The following DOP1A variants were observed in gnomAD, a reference collection of about 807,000 sequenced individuals.
DOP1A encodes the protein protein DOP1A.
DOP1A carries 90 observed loss-of-function variants against 267.6 expected under a neutral mutation model. The observed-to-expected ratio is 0.34, with a 90% CI of 0.28 to 0.40. The LOEUF (loss-of-function observed/expected upper bound fraction) is 0.40, where lower values mean the gene tolerates loss of function less well. Among genes scored for constraint, DOP1A ranks in the 10% least tolerant of loss-of-function variants. The pLI is 1.00. For synonymous variants in DOP1A, 932 were observed against 999.1 expected (o/e 0.93, Z 1.27); for missense variants, 2,437 against 2,900.4 (o/e 0.84, Z 3.67).
At position 83,152,148 on chromosome 6, in the gene DOP1A, C is replaced by A. The variant is rs186422780; in HGVS notation, c.6049+121C>A. ...CCCTTTTCTCATGTCTAACAAGTAA[C>A]TTTTTTTCAGTGGGAAAAATATATA... On this transcript the variant is annotated intron_variant, in intron 29 of 38. Coordinates refer to ENST00000349129, the MANE Select transcript of DOP1A (RefSeq NM_015018.4). The A allele has an allele frequency of 2.0e-5, 24 of 1,172,040 alleles. No individual in the cohort carries two copies. The Admixed American group carries it at 5.3e-4, about 26-fold the overall frequency. The allele number at this position is 1,172,040 out of a possible 1,614,324, so 72.6% of individuals were successfully genotyped here.
intron 23 of DOP1A, 52 bp from the exon 24 acceptor site, chr6:83,141,869 T>TG (rs768463410): frequency 4.0e-4 from 626 of 1,562,204 alleles, no homozygotes; most frequent in Non-Finnish European, 5.1e-4. Flanking sequence ...TAGTTGTAAA[T>TG]GTTTTTTCAT....
intron 15 of DOP1A, among the ~76,000 whole-genome samples, chr6:83,127,919 G>A (rs867153348): frequency 3.8e-4 from 58 of 152,154 alleles, no homozygotes; most frequent in Admixed American, 4.6e-4. Flanking sequence ...GTTTGGAGAA[G>A]TTAAATAACT....
At chr6:83,157,926 G>T (rs556340085) in intron 35 of DOP1A, among the ~76,000 whole-genome samples, 1 of 152,188 alleles carries the variant, frequency 6.6e-6, no homozygotes, top group South Asian at 2.1e-4. Flanking sequence ...AATGGAAAAG[G>T]AATCTCTCTC....
intron 1 of DOP1A, among the ~76,000 whole-genome samples, chr6:83,075,541 A>G (rs1184034491): frequency 2.0e-5 from 3 of 152,216 alleles, no homozygotes; most frequent in Non-Finnish European, 2.9e-5. Flanking sequence ...GTTAGGATTT[A>G]GTGTTTGAAA....
In DOP1A at chr6:83,155,890, A is replaced by G. The variant is rs1782696613; in HGVS notation, c.6452-61A>G. The G allele has an allele frequency of 1.5e-5, 24 of 1,556,998 alleles. No homozygotes were observed. In the South Asian group the frequency reaches 2.8e-4, roughly 18 times the overall value. ...CATAGAGCATCTAGCTATTTTAAAA[A>G]ACAACAGAATAATCTTTCTTCAGAT... is the stretch of plus-strand genomic sequence containing the variant. On this transcript the variant is annotated intron_variant, in intron 33 of 38. Coordinates refer to ENST00000349129, the MANE Select transcript of DOP1A (RefSeq NM_015018.4).
chr6:83,120,190 G>T (rs1392918601), intron 9 of DOP1A, among the ~76,000 whole-genome samples: 1 of 151,878 alleles, frequency 6.6e-6, no homozygotes, highest in Non-Finnish European at 1.5e-5. Context: ...TGAAGCTCTG[G>T]AGAAGTTTAT....
chr6:83,130,381 A>C lies in DOP1A; in HGVS notation c.2600A>C (p.Lys867Thr). The C allele has an allele frequency of 6.2e-7, 1 of 1,612,026 alleles. No individual in the cohort carries two copies. Among genetic ancestry groups the C allele is most frequent in the Non-Finnish European group, 8.5e-7 (1 of 1,179,178 alleles). The change falls in exon 17 of 39, where the codon AAG (lysine) becomes ACG (threonine). Residue 867 changes from lysine to threonine, a missense_variant. By Grantham distance (78) the Lys-to-Thr change is moderately conservative (BLOSUM62 -1). Around this residue, in one of 9 missense-constraint regions of DOP1A, gnomAD observed 878 missense variants for 992.9 expected, o/e 0.88. Transcript: ENST00000349129. Reference protein sequence around the residue: ...TQGNLRYIAEKTEFFKHVALT... With the variant: ...TQGNLRYIAETTEFFKHVALT... ...GGCAATCTGAGGTACATAGCTGAGA[A>C]GACTGAATTTTTCAAGGTAAATTCT...
chr6:83,165,851 T>C, intron 38 of DOP1A: 1 of 338,254 alleles, frequency 3.0e-6, no homozygotes, highest in Non-Finnish European at 5.9e-6. Context: ...TTGCAGTTTT[T>C]GGTGCATCTC....
chr6:83,137,749 GCTC>G lies in DOP1A; in HGVS notation c.3711_3713del (p.Ser1238del). 3 of 1,613,728 alleles carry G rather than the reference GCTC, an allele frequency of 1.9e-6. No homozygotes were observed. The South Asian group carries it at 3.3e-5, about 18-fold the overall frequency. The stretch of plus-strand genomic sequence containing the variant: ...GTGGCAAATGGAATCTCCAGGAATA[GCTC>G]CTCACCTTGTATTTCAGGAACCACA... On this transcript the variant is annotated inframe_deletion, in exon 21 of 39. Coordinates refer to ENST00000349129, the MANE Select transcript of DOP1A (RefSeq NM_015018.4).
At chr6:83,145,306 G>A (rs1270927770) in intron 24 of DOP1A, among the ~76,000 whole-genome samples, 1 of 125,964 alleles carries the variant, frequency 7.9e-6, no homozygotes, top group Non-Finnish European at 1.6e-5. Context: ...CCAGGGCTGG[G>A]TGCAGTGGCT....
chr6:83,122,849 TTC>T lies in DOP1A; in HGVS notation c.1221-10_1221-9del, dbSNP rs1327818403. 2 of 1,441,500 alleles carry T rather than the reference TTC, an allele frequency of 1.4e-6. No homozygotes were observed. Among genetic ancestry groups the T allele is most frequent in the Non-Finnish European group, 9.2e-7 (1 of 1,091,968 alleles). The allele number at this position is 1,441,500 out of a possible 1,614,324, so 89.3% of individuals were successfully genotyped here. ...AATATTTTTTAGTTTTTGTTTTCTT[TTC>T]TCTTTTTTCAGTAAATTAAGAGAAA... On this transcript the variant is annotated splice_polypyrimidine_tract_variant and intron_variant, in intron 11 of 38. Transcript: ENST00000349129.
At chr6:83,119,172 T>G (rs974763576) in intron 8 of DOP1A, among the ~76,000 whole-genome samples, 185 bp downstream of exon 8, 2 of 152,210 alleles carry the variant, frequency 1.3e-5, no homozygotes, top group African/African-American at 2.4e-5. Flanking sequence ...AGCTTTATAT[T>G]TGAAGAGTCT....
chr6:83,168,738 G>A, downstream of DOP1A: 1 of 997,612 alleles, frequency 1.0e-6, no homozygotes, highest in Non-Finnish European at 1.2e-6. Context: ...CTGAGTTCCT[G>A]ATGGCATTAG....
chr6:83,101,622 T>C (rs902428555), intron 4 of DOP1A, among the ~76,000 whole-genome samples: 9 of 152,202 alleles, frequency 5.9e-5, no homozygotes, highest in African/African-American at 2.2e-4. Context: ...TTACAAGTCT[T>C]TCCTCCTCTA....
chr6:83,094,670 T>A (rs1197003212), intron 1 of DOP1A, among the ~76,000 whole-genome samples: 1 of 152,242 alleles, frequency 6.6e-6, no homozygotes, highest in Non-Finnish European at 1.5e-5. Context: ...TTATTGACCA[T>A]TTGTACATTT....
chr6:83,139,228 G>C (rs115984870), intron 21 of DOP1A, 66 bp downstream of exon 21: 325 of 1,258,040 alleles, frequency 2.6e-4, no homozygotes, highest in Non-Finnish European at 3.3e-4. Context: ...TTAATGTCTG[G>C]AAAGTTGGTC....
At chr6:83,112,815 A>G (rs986452128) in intron 6 of DOP1A, among the ~76,000 whole-genome samples, 3 of 152,170 alleles carry the variant, frequency 2.0e-5, no homozygotes, top group African/African-American at 7.2e-5. Context: ...TGGCAATTCT[A>G]TTTTGAGGAA....
At chr6:83,148,620 A>G (rs1008983835) in intron 26 of DOP1A, 139 bp from the exon 27 acceptor site, 23 of 538,012 alleles carry the variant, frequency 4.3e-5, no homozygotes, top group Non-Finnish European at 6.4e-5. Flanking sequence ...GTGTTGGTTT[A>G]CTAATTAACG....
chr6:83,068,610 A>G (rs935779798), intron 1 of DOP1A, among the ~76,000 whole-genome samples: 5 of 152,352 alleles, frequency 3.3e-5, no homozygotes. Flanking sequence ...TTGCCTGACA[A>G]ATAGGCCCTG....
Sources: allele counts gnomAD v4.1 joint callset (sites outside exome capture counted in the v4.1 genomes callset), GRCh38; gene constraint gnomAD v4.1.1; regional missense constraint gnomAD v4.1.1; transcripts MANE v1.5; gene names NCBI Gene and HGNC (gene_info 2026-07-23, HGNC 2026-07-21).